PCBP3: variants seen among roughly 807,000 people sequenced by gnomAD.
PCBP3 encodes the protein poly(rC) binding protein 3.
In PCBP3, 25 loss-of-function variants were observed where a neutral mutation model predicts 52.7. The observed-to-expected ratio is 0.47, with a 90% CI of 0.35 to 0.66. The LOEUF (loss-of-function observed/expected upper bound fraction) is 0.66. Ranked by LOEUF, PCBP3 falls within the 30% of genes least tolerant of loss-of-function variation. PCBP3 has a pLI of 0.01. For missense variants in PCBP3, 391 were observed against 490.3 expected, an observed-to-expected ratio of 0.80 and a Z score of 1.91; for synonymous variants, 162 against 183.0, an observed-to-expected ratio of 0.89 and a Z score of 0.93.
At chr21:45,753,271 G>A (rs974481819) in intron 3 of PCBP3, among the ~76,000 whole-genome samples, 4 of 151,588 alleles carry the variant, frequency 2.6e-5, no homozygotes, top group African/African-American at 9.7e-5. Flanking sequence ...TCTGCTCTTA[G>A]GTCTACGTAA....
At chr21:45,681,967 T>A (rs1603251132) in intron 2 of PCBP3, among the ~76,000 whole-genome samples, 1 of 152,114 alleles carries the variant, frequency 6.6e-6, no homozygotes, top group East Asian at 1.9e-4. Flanking sequence ...GAACAAAGGC[T>A]CAGAAATCTG....
chr21:45,720,749 A>G (rs2084571618), intron 2 of PCBP3, among the ~76,000 whole-genome samples: 1 of 152,230 alleles, frequency 6.6e-6, no homozygotes, highest in South Asian at 2.1e-4. Context: ...TCTCTGGTGC[A>G]GATAACGTCC....
intron 2 of PCBP3, among the ~76,000 whole-genome samples, chr21:45,693,698 A>G (rs2082613894): frequency 6.6e-6 from 1 of 152,154 alleles, no homozygotes. Flanking sequence ...ACTCAGTGAA[A>G]ATATTTTTCA....
chr21:45,723,535 A>G (rs1230710004), intron 2 of PCBP3, among the ~76,000 whole-genome samples: 7 of 152,278 alleles, frequency 4.6e-5, no homozygotes. Flanking sequence ...ACAAGTTGAT[A>G]GTGAGTAAAG....
At chr21:45,723,072 C>G (rs2084779149) in intron 2 of PCBP3, among the ~76,000 whole-genome samples, 1 of 152,118 alleles carries the variant, frequency 6.6e-6, no homozygotes, top group African/African-American at 2.4e-5. Flanking sequence ...AGAAAATACA[C>G]TCTACTGCTA....
At chr21:45,908,077 T>C (rs1398195256) in intron 9 of PCBP3, among the ~76,000 whole-genome samples, 1 of 152,214 alleles carries the variant, frequency 6.6e-6, no homozygotes, top group Non-Finnish European at 1.5e-5. Flanking sequence ...ATCTTTCTTT[T>C]TTAAGGTGCC....
At chr21:45,690,670 A>G (rs1016479917) in intron 2 of PCBP3, among the ~76,000 whole-genome samples, 1 of 152,190 alleles carries the variant, frequency 6.6e-6, no homozygotes, top group Non-Finnish European at 1.5e-5. Flanking sequence ...CTACAGATAC[A>G]TCACAGAAGA....
intron 4 of PCBP3, among the ~76,000 whole-genome samples, chr21:45,765,632 T>C (rs1239005088): frequency 1.3e-5 from 2 of 152,142 alleles, no homozygotes; most frequent in Non-Finnish European, 2.9e-5. Context: ...GGCTCTTCCA[T>C]TGTCTGCCTT....
intron 12 of PCBP3, chr21:45,915,675 G>A (rs552391596): frequency 9.8e-5 from 15 of 152,490 alleles, no homozygotes; most frequent in South Asian, 8.3e-4. Context: ...GGTGCTGTCC[G>A]AAGGTTGATG....
At chr21:45,658,863 G>C (rs2080194407) in intron 1 of PCBP3, among the ~76,000 whole-genome samples, 2 of 151,772 alleles carry the variant, frequency 1.3e-5, no homozygotes, top group Non-Finnish European at 1.5e-5. Flanking sequence ...GTTTTTTTCA[G>C]ATGTACTGTT....
intron 13 of PCBP3, among the ~76,000 whole-genome samples, chr21:45,922,608 C>T (rs1783075): frequency 6.6e-6 from 1 of 152,108 alleles, no homozygotes; most frequent in Non-Finnish European, 1.5e-5. Flanking sequence ...AGTCTTCCAG[C>T]TCTCCTAATC....
At chr21:45,901,744 AAG>A (rs964665174) in intron 9 of PCBP3, among the ~76,000 whole-genome samples, 5 of 86,760 alleles carry the variant, frequency 5.8e-5, no homozygotes, top group East Asian at 2.9e-4. Context: ...GAGAGACAGA[AAG>A]AGAGAGAGAC....
At chr21:45,785,540 C>T (rs1359777383) in intron 4 of PCBP3, among the ~76,000 whole-genome samples, 234 of 149,806 alleles carry the variant, frequency 1.6e-3, no homozygotes, top group Non-Finnish European at 2.4e-3. Flanking sequence ...CGGCCAGCCG[C>T]CCCATCCGGG....
chr21:45,719,292 G>A (rs1329840311), intron 2 of PCBP3, among the ~76,000 whole-genome samples: 2 of 152,174 alleles, frequency 1.3e-5, no homozygotes, highest in African/African-American at 2.4e-5. Flanking sequence ...GGACAGAACA[G>A]CAAGTGTTCT....
intron 1 of PCBP3, among the ~76,000 whole-genome samples, chr21:45,667,304 G>C (rs1198523366): frequency 1.3e-5 from 2 of 151,522 alleles, no homozygotes; most frequent in African/African-American, 4.9e-5. Flanking sequence ...CACCATGGTT[G>C]GCCATCTGTT....
At chr21:45,718,146 G>A (rs971237505) in intron 2 of PCBP3, among the ~76,000 whole-genome samples, 1 of 148,764 alleles carries the variant, frequency 6.7e-6, no homozygotes, top group African/African-American at 2.5e-5. Context: ...TTTTATTTCT[G>A]CAAGGTTGGT....
chr21:45,804,161 C>T (rs1314263907), intron 4 of PCBP3, among the ~76,000 whole-genome samples: 1 of 152,136 alleles, frequency 6.6e-6, no homozygotes, highest in African/African-American at 2.4e-5. Context: ...GTTTTTTACC[C>T]CATTGCTGTT....
intron 4 of PCBP3, among the ~76,000 whole-genome samples, chr21:45,776,124 T>C (rs1226242521): frequency 1.3e-5 from 2 of 152,224 alleles, no homozygotes; most frequent in Admixed American, 1.3e-4. Flanking sequence ...TTGTGTAGTT[T>C]CCAAAGTTCC....
rs112804592 is a variant in PCBP3 at position 45,852,524 on chromosome 21, A to G, written c.10+2429A>G. Among the ~76,000 whole-genome samples, 36 of 128,458 alleles carry G rather than the reference A, an allele frequency of 2.8e-4. 5 individuals carry two copies. The highest frequency in any genetic ancestry group is 4.3e-4 in the Non-Finnish European group (26 of 61,014). The allele number at this position is 128,458 out of a possible 152,430, so 84.3% of individuals were successfully genotyped here. A position where few individuals can be genotyped will look rare whatever the true frequency, so the allele number is the denominator to read the frequency against. The stretch of plus-strand genomic sequence containing the variant: ...CCTGTAGCCACCCTGACTTTTGTTC[A>G]GAAGGAACACAGCCCTGCAGCCACC... On this transcript the variant is annotated intron_variant, in intron 5 of 17. Transcript: ENST00000681687.
Sources: allele counts gnomAD v4.1 joint callset (sites outside exome capture counted in the v4.1 genomes callset), GRCh38; gene constraint gnomAD v4.1.1; transcripts MANE v1.5; gene names NCBI Gene and HGNC (gene_info 2026-07-23, HGNC 2026-07-21).